CCDC88C: variants seen among roughly 807,000 people sequenced by gnomAD.
The protein encoded by CCDC88C is protein Daple.
Under a neutral mutation model 198.8 loss-of-function variants are expected in CCDC88C, and 131 were observed. The ratio of observed to expected loss-of-function variants is 0.66; its 90% CI spans 0.57 to 0.76. The LOEUF (loss-of-function observed/expected upper bound fraction) is 0.76, where lower values mean the gene tolerates loss of function less well. CCDC88C is among the 30% of genes least tolerant of loss of function. The probability of loss-of-function intolerance (pLI) is 0.00; values close to 1 mark genes in which losing one functional copy is unlikely to be tolerated. For missense variants in CCDC88C, 2,553 were observed against 2,631.6 expected (o/e 0.97, Z 0.65); for synonymous variants, 1,166 against 1,114.7 (o/e 1.05, Z -0.92).
At chr14:91,279,548 G>A in intron 27 of CCDC88C, 1 of 389,674 alleles carries the variant, frequency 2.6e-6, no homozygotes, top group Non-Finnish European at 4.6e-6. Context: ...CTACATTTAT[G>A]AGGCCTGGGG....
chr14:91,360,008 G>A (rs982198139), intron 3 of CCDC88C, among the ~76,000 whole-genome samples: 1 of 152,206 alleles, frequency 6.6e-6, no homozygotes, highest in East Asian at 1.9e-4. Context: ...CTAAAGTTAT[G>A]TCTGCATAGG....
chr14:91,321,276 C>T lies in CCDC88C; in HGVS notation c.1371G>A (p.Leu457=), dbSNP rs962283573. The change falls in exon 13 of 30, where the codon CTG becomes CTA. Residue 457 remains leucine, a synonymous_variant. Transcript: ENST00000389857. The part of the protein sequence containing the change: ...DASRKSFVFE[L]NECASSRILK... ...GGATGCGGCTGGACGCACATTCGTT[C>T]AGCTCAAACACAAACGACTTCCTGG... The T allele has an allele frequency of 2.6e-6, 4 of 1,565,366 alleles. No homozygotes were observed. The highest frequency in any genetic ancestry group is 2.6e-6 in the Non-Finnish European group (3 of 1,154,376).
chr14:91,273,523 GC>G lies in CCDC88C; in HGVS notation c.5188del (p.Ala1730ProfsTer16). 1 of 1,533,464 alleles carries G rather than the reference GC, an allele frequency of 6.5e-7. No individual in the cohort carries two copies. The allele number at this position is 1,533,464 out of a possible 1,614,324, so 95.0% of individuals were successfully genotyped here. On this transcript the variant is annotated frameshift_variant, in exon 30 of 30. Coordinates refer to ENST00000389857, the MANE Select transcript of CCDC88C (RefSeq NM_001080414.4). LOFTEE classifies it low-confidence loss of function (END_TRUNC). This position sits in a 1 kb window ranked among gnomAD's most constrained non-coding sequence, Gnocchi z 5.6. ...EGAKMPTNFV[A>X]PTVKMAAPTS... ...GGGGGCGGCCATTTTGACGGTGGGG[GC>G]CACAAAGTTGGTGGGCATCTTGGCC...
chr14:91,397,452 T>A (rs1009477773), intron 3 of CCDC88C, among the ~76,000 whole-genome samples: 1 of 151,698 alleles, frequency 6.6e-6, no homozygotes, highest in East Asian at 1.9e-4. Flanking sequence ...ACACACACAC[T>A]CACACACACT....
chr14:91,411,159 A>C (rs1596174845), intron 2 of CCDC88C, among the ~76,000 whole-genome samples: 1 of 152,246 alleles, frequency 6.6e-6, no homozygotes, highest in Middle Eastern at 3.4e-3. Flanking sequence ...TCAGGACACT[A>C]ATCAAAACAA....
At chr14:91,302,287 T>C (rs1026367732) in intron 20 of CCDC88C, among the ~76,000 whole-genome samples, 1 of 152,172 alleles carries the variant, frequency 6.6e-6, no homozygotes, top group Non-Finnish European at 1.5e-5. Context: ...GGATATACCA[T>C]CAGCAGGGCC....
At chr14:91,294,758 G>A (rs544477204) in intron 22 of CCDC88C, among the ~76,000 whole-genome samples, 20 of 152,294 alleles carry the variant, frequency 1.3e-4, no homozygotes, top group African/African-American at 3.9e-4. Flanking sequence ...GGGTTCAAGC[G>A]ACTCTCCTGC....
In CCDC88C at chr14:91,325,893, AAC is replaced by A; in HGVS notation, c.1197+15_1197+16del. 1 of 1,549,174 alleles carries A rather than the reference AAC, an allele frequency of 6.5e-7. No homozygotes were observed. Among genetic ancestry groups the A allele is most frequent in the Non-Finnish European group, 8.7e-7 (1 of 1,145,102 alleles). ...CCCAATCTGTTTTCAATGTAGTAAC[AAC>A]ACAGCCTGCAGTACCAATTCCAGGT... On this transcript the variant is annotated intron_variant, in intron 11 of 29. Transcript: ENST00000389857. This position sits in a 1 kb window ranked among gnomAD's most constrained non-coding sequence, Gnocchi z 4.1.
chr14:91,404,631 G>C (rs1886383488), intron 3 of CCDC88C, among the ~76,000 whole-genome samples: 1 of 152,166 alleles, frequency 6.6e-6, no homozygotes, highest in African/African-American at 2.4e-5. Flanking sequence ...CAATCCTGTT[G>C]GAATGGTGAG....
chr14:91,304,141 G>A (rs1238677289), intron 19 of CCDC88C, among the ~76,000 whole-genome samples, 163 bp from the exon 20 acceptor site: 2 of 152,242 alleles, frequency 1.3e-5, no homozygotes, highest in Non-Finnish European at 2.9e-5. Flanking sequence ...AGCAACTGCT[G>A]TGGGAAGGGG....
chr14:91,393,355 G>T (rs757688570), intron 3 of CCDC88C, among the ~76,000 whole-genome samples: 2 of 152,134 alleles, frequency 1.3e-5, no homozygotes. Flanking sequence ...CCCCAGCCCT[G>T]CAGGCAGAGG....
intron 12 of CCDC88C, among the ~76,000 whole-genome samples, chr14:91,322,625 G>A (rs978327897): frequency 2.0e-5 from 3 of 152,084 alleles, no homozygotes; most frequent in African/African-American, 7.2e-5. Flanking sequence ...GAATTCATGG[G>A]GGTGAACCCA....
rs912153410 is a variant in CCDC88C at position 91,371,301 on chromosome 14, A to G, written c.271-11590T>C. ...ATTTTTGCTGATGGATGGAAAAGTC[A>G]GTAGTTCTGCTGATGGATAAGCAAG... On this transcript the variant is annotated intron_variant, in intron 3 of 29. Coordinates refer to ENST00000389857, the MANE Select transcript of CCDC88C (RefSeq NM_001080414.4). The surrounding 1 kb of genome is among the most constrained non-coding windows in gnomAD (Gnocchi z 4.2). 6.6e-6 allele frequency among the ~76,000 whole-genome samples: 1 copy of G among 151,996 alleles called. No homozygotes were observed. Among genetic ancestry groups the G allele is most frequent in the Admixed American group, 6.5e-5 (1 of 15,268 alleles).
At chr14:91,275,891 G>C (rs542059674) in intron 29 of CCDC88C, among the ~76,000 whole-genome samples, 2 of 129,388 alleles carry the variant, frequency 1.5e-5, no homozygotes, top group African/African-American at 6.1e-5. Context: ...GCGCGATCTC[G>C]ACTCACTGCA....
Position 91,338,579 on chromosome 14 carries a change from G to C in CCDC88C, c.810-9C>G, listed in dbSNP as rs1160347962. 2.6e-6 allele frequency: 4 copies of C among 1,554,598 alleles called. No individual in the cohort carries two copies. Among genetic ancestry groups the C allele is most frequent in the Non-Finnish European group, 3.5e-6 (4 of 1,148,232 alleles). ...GCTCTGTCTTATCCTCCCTGCAGAGGCAGTAAGGAGAAAGAGTGTGGGAGG... is the reference window on the plus strand; with the variant it reads ...GCTCTGTCTTATCCTCCCTGCAGAGCCAGTAAGGAGAAAGAGTGTGGGAGG... On this transcript the variant is annotated splice_polypyrimidine_tract_variant and intron_variant, in intron 8 of 29. Transcript: ENST00000389857. This position sits in a 1 kb window ranked among gnomAD's most constrained non-coding sequence, Gnocchi z 4.8.
intron 22 of CCDC88C, among the ~76,000 whole-genome samples, chr14:91,294,995 G>T (rs1178190440): frequency 6.6e-6 from 1 of 152,160 alleles, no homozygotes; most frequent in Non-Finnish European, 1.5e-5. Flanking sequence ...TATGATTGGG[G>T]TGCAATGGGA....
At chr14:91,331,894 C>G (rs1305188902) in intron 10 of CCDC88C, among the ~76,000 whole-genome samples, 1 of 151,632 alleles carries the variant, frequency 6.6e-6, no homozygotes, top group Non-Finnish European at 1.5e-5. Flanking sequence ...CCTGGGTATA[C>G]ACTGTGCCCA....
intron 1 of CCDC88C, 108 bp downstream of exon 1, chr14:91,417,523 C>A (rs1324326485): frequency 2.0e-6 from 2 of 995,402 alleles, no homozygotes; most frequent in Admixed American, 2.6e-5. Flanking sequence ...GTCCCTCGCG[C>A]CCCGGAGCCA....
Position 91,338,082 on chromosome 14 carries a change from C to A in CCDC88C, c.973G>T (p.Val325Leu), listed in dbSNP as rs200244690. The A allele has an allele frequency of 5.0e-4, 802 of 1,613,912 alleles. 4 individuals are homozygous for A. In the Middle Eastern group the frequency reaches 6.8e-3, roughly 14 times the overall value. The change falls in exon 10 of 30, where the codon GTG becomes TTG. Residue 325 changes from valine (V) to leucine (L), a missense_variant. Val to Leu is a conservative substitution (Grantham distance 32). Transcript: ENST00000389857. This position sits in a 1 kb window ranked among gnomAD's most constrained non-coding sequence, Gnocchi z 4.8. ...GTCAGCTCCAGCTCCAGCCTCTCCA[C>A]GCGGTTCGCCTTCTCCCGCAGGGAA... The part of the protein sequence containing the change: ...LDSLREKANR[V>L]ERLELELTRC...
Sources: gnomAD v4.1 joint callset for allele counts (sites outside exome capture counted in the v4.1 genomes callset) on GRCh38, gnomAD v4.1.1 for gene constraint, Gnocchi (gnomAD v3.1) non-coding constraint, MANE v1.5 for transcripts, NCBI Gene and HGNC (gene_info 2026-07-23, HGNC 2026-07-21) for gene names.